The following GRID1 variants were observed in gnomAD, a reference collection of about 807,000 sequenced individuals.
GRID1 encodes glutamate ionotropic receptor delta type subunit 1.
In GRID1, 28 loss-of-function variants were observed where a neutral mutation model predicts 98.0. The observed-to-expected ratio is 0.29, with a 90% CI of 0.21 to 0.39. The LOEUF is 0.39. Ranked by LOEUF, GRID1 falls within the 10% of genes least tolerant of loss-of-function variation. The probability of loss-of-function intolerance (pLI) is 1.00; values close to 1 mark genes in which losing one functional copy is unlikely to be tolerated. For synonymous variants in GRID1, 553 were observed against 538.5 expected (o/e 1.03, Z -0.37); for missense variants, 1,111 against 1,340.5 (o/e 0.83, Z 2.67).
At chr10:85,752,439 T>C (rs1382995279) in intron 8 of GRID1, among the ~76,000 whole-genome samples, 1 of 152,196 alleles carries the variant, frequency 6.6e-6, no homozygotes, top group Non-Finnish European at 1.5e-5. Context: ...GATATACATA[T>C]ATATACTAAC....
intron 2 of GRID1, among the ~76,000 whole-genome samples, chr10:86,234,860 GC>G (rs1846511932): frequency 6.6e-6 from 1 of 152,188 alleles, no homozygotes; most frequent in Admixed American, 6.5e-5. Context: ...TCCTTAATGA[GC>G]CGAGATGCAG....
intron 4 of GRID1, among the ~76,000 whole-genome samples, chr10:85,977,405 C>G (rs565583209): frequency 6.6e-6 from 1 of 152,126 alleles, no homozygotes; most frequent in Non-Finnish European, 1.5e-5. Context: ...AGGGTGCAGA[C>G]CCCACCTAAA....
intron 4 of GRID1, among the ~76,000 whole-genome samples, chr10:86,033,353 G>C (rs1292972617): frequency 6.6e-6 from 1 of 152,172 alleles, no homozygotes; most frequent in Non-Finnish European, 1.5e-5. Context: ...TCCTCAGAGG[G>C]AGAGAGGAGC....
At chr10:86,062,436 C>T (rs1294242935) in intron 4 of GRID1, among the ~76,000 whole-genome samples, 1 of 152,156 alleles carries the variant, frequency 6.6e-6, no homozygotes, top group Non-Finnish European at 1.5e-5. Flanking sequence ...AGATTCGCTT[C>T]CACCCCTGCT....
chr10:86,300,039 T>C (rs988928528), intron 2 of GRID1, among the ~76,000 whole-genome samples: 2 of 151,980 alleles, frequency 1.3e-5, no homozygotes, highest in Admixed American at 1.3e-4. Flanking sequence ...TGAGATGAGG[T>C]CATATTAGAT....
At chr10:85,722,912 C>T in intron 12 of GRID1, 91 bp downstream of exon 12, 2 of 1,106,412 alleles carry the variant, frequency 1.8e-6, no homozygotes, top group Non-Finnish European at 2.5e-6. Flanking sequence ...TCAGGGCTCT[C>T]TCCATCATAC....
intron 2 of GRID1, among the ~76,000 whole-genome samples, chr10:86,281,778 T>C (rs753444144): frequency 8.5e-5 from 13 of 152,144 alleles, no homozygotes; most frequent in South Asian, 2.1e-4. Flanking sequence ...GCAATTTCAA[T>C]TGATCAGAGC....
At chr10:85,691,045 A>T (rs1462407658) in intron 12 of GRID1, among the ~76,000 whole-genome samples, 1 of 152,236 alleles carries the variant, frequency 6.6e-6, no homozygotes, top group Non-Finnish European at 1.5e-5. Flanking sequence ...ATTAATTGAC[A>T]TAATCCACCA....
intron 4 of GRID1, among the ~76,000 whole-genome samples, chr10:86,068,222 A>T (rs1843747751): frequency 6.6e-6 from 1 of 152,226 alleles, no homozygotes; most frequent in South Asian, 2.1e-4. Flanking sequence ...GATGTGACCC[A>T]GGTGTGGTTG....
chr10:85,736,081 A>AGAAG (rs148952483), intron 8 of GRID1, among the ~76,000 whole-genome samples: 10 of 113,998 alleles, frequency 8.8e-5, no homozygotes, highest in Non-Finnish European at 1.6e-4. Context: ...AAGGAAGGAG[A>AGAAG]GAAGGAAGGA....
intron 3 of GRID1, among the ~76,000 whole-genome samples, chr10:86,186,009 A>C (rs1845721037): frequency 6.6e-6 from 1 of 152,154 alleles, no homozygotes. Context: ...TCTCTCTTAA[A>C]TATTTGGCAG....
chr10:85,677,671 T>C (rs1057077069), intron 12 of GRID1, among the ~76,000 whole-genome samples: 2 of 152,192 alleles, frequency 1.3e-5, no homozygotes, highest in Admixed American at 6.5e-5. Context: ...TTTCTGGAAT[T>C]GTAGTTAGAT....
intron 8 of GRID1, among the ~76,000 whole-genome samples, chr10:85,781,959 C>A (rs1476917580): frequency 6.6e-6 from 1 of 152,108 alleles, no homozygotes; most frequent in East Asian, 1.9e-4. Context: ...TTTAGGAGGC[C>A]AGGAATTCTC....
intron 2 of GRID1, among the ~76,000 whole-genome samples, chr10:86,320,557 AG>A (rs1212213330): frequency 1.3e-5 from 2 of 152,294 alleles, no homozygotes; most frequent in Non-Finnish European, 2.9e-5. Flanking sequence ...TCACTGTTTA[AG>A]GGCTATAGTA....
At chr10:86,210,968 G>C (rs531277781) in intron 2 of GRID1, among the ~76,000 whole-genome samples, 2 of 152,224 alleles carry the variant, frequency 1.3e-5, no homozygotes, top group African/African-American at 2.4e-5. Context: ...GCCGGAGTCC[G>C]GGGCCTGCCC....
intron 2 of GRID1, among the ~76,000 whole-genome samples, chr10:86,309,301 C>T (rs1019384655): frequency 5.9e-5 from 9 of 152,092 alleles, no homozygotes; most frequent in African/African-American, 1.4e-4. Flanking sequence ...CCATTAAGGG[C>T]CCCCCTCCTT....
chr10:85,613,752 G>A, intron 14 of GRID1, 105 bp from the exon 15 acceptor site: 3 of 1,342,168 alleles, frequency 2.2e-6, no homozygotes, highest in Non-Finnish European at 2.1e-6. Flanking sequence ...AGACAACATT[G>A]AGCCATCCTA....
At chr10:85,764,113 C>A (rs1274210614) in intron 8 of GRID1, among the ~76,000 whole-genome samples, 9 of 152,190 alleles carry the variant, frequency 5.9e-5, no homozygotes, top group African/African-American at 2.2e-4. Flanking sequence ...TGATGAGCCC[C>A]TGAAGTGGTG....
intron 12 of GRID1, among the ~76,000 whole-genome samples, chr10:85,707,843 C>CT (rs912425336): frequency 3.9e-5 from 6 of 152,058 alleles, no homozygotes; most frequent in African/African-American, 1.4e-4. Context: ...AACCATCATT[C>CT]TCAGCAAACT....
Sources: gnomAD v4.1 joint callset for allele counts (sites outside exome capture counted in the v4.1 genomes callset) on GRCh38, gnomAD v4.1.1 for gene constraint, MANE v1.5 for transcripts, NCBI Gene and HGNC (gene_info 2026-07-23, HGNC 2026-07-21) for gene names.